The following GAS2 variants were observed in gnomAD, a reference collection of about 807,000 sequenced individuals.
The protein encoded by GAS2 is growth arrest-specific protein 2.
Under a neutral mutation model 37.5 loss-of-function variants are expected in GAS2, and 20 were observed. That is an observed-to-expected ratio of 0.53 (90% CI 0.37 to 0.77). The LOEUF is 0.77. GAS2 is among the 30% of genes least tolerant of loss of function. GAS2 has a pLI of 0.00. For missense variants in GAS2, 336 were observed against 373.4 expected, an observed-to-expected ratio of 0.90 and a Z score of 0.82; for synonymous variants, 144 against 132.2, an observed-to-expected ratio of 1.09 and a Z score of -0.61.
intron 3 of GAS2, among the ~76,000 whole-genome samples, chr11:22,706,057 G>A (rs1210997666): frequency 6.6e-6 from 1 of 152,188 alleles, no homozygotes. Flanking sequence ...CATAACTCAA[G>A]AGAATCAAGA....
At chr11:22,637,725 GTAA>G (rs1349061000) in intron 1 of GAS2, among the ~76,000 whole-genome samples, 17 of 137,664 alleles carry the variant, frequency 1.2e-4, no homozygotes, top group African/African-American at 1.9e-4. Flanking sequence ...TGTATTTATA[GTAA>G]TAATAATTAT....
chr11:22,697,685 T>C (rs1436494332), intron 3 of GAS2, among the ~76,000 whole-genome samples: 1 of 152,232 alleles, frequency 6.6e-6, no homozygotes, highest in Non-Finnish European at 1.5e-5. Context: ...GATTCCTAGG[T>C]ATTTTATTCT....
At chr11:22,680,014 TGAAA>T (rs1449718494) in intron 2 of GAS2, among the ~76,000 whole-genome samples, 1 of 152,108 alleles carries the variant, frequency 6.6e-6, no homozygotes, top group African/African-American at 2.4e-5. Flanking sequence ...TAGTTATTCT[TGAAA>T]AATAACATTT....
intron 3 of GAS2, among the ~76,000 whole-genome samples, chr11:22,724,659 T>C (rs1852109001): frequency 1.3e-5 from 2 of 152,100 alleles, no homozygotes; most frequent in African/African-American, 4.8e-5. Flanking sequence ...AGTAACCCTA[T>C]ATATGGTTTA....
At chr11:22,704,656 A>C (rs1851017734) in intron 3 of GAS2, among the ~76,000 whole-genome samples, 1 of 143,550 alleles carries the variant, frequency 7.0e-6, no homozygotes, top group East Asian at 2.1e-4. Context: ...ATTCTCCCAG[A>C]AAAGAACCCT....
At chr11:22,701,856 A>G (rs906934797) in intron 3 of GAS2, among the ~76,000 whole-genome samples, 3 of 152,146 alleles carry the variant, frequency 2.0e-5, no homozygotes, top group South Asian at 2.1e-4. Context: ...AAAGTTGGGG[A>G]AAAAAATTAG....
At chr11:22,633,290 C>A (rs906180794) in intron 1 of GAS2, among the ~76,000 whole-genome samples, 1 of 151,992 alleles carries the variant, frequency 6.6e-6, no homozygotes, top group Non-Finnish European at 1.5e-5. Context: ...TTTATTTTAG[C>A]CTATTTCAGC....
intron 7 of GAS2, among the ~76,000 whole-genome samples, chr11:22,778,790 A>G (rs778280017): frequency 7.2e-5 from 11 of 152,324 alleles, no homozygotes; most frequent in Non-Finnish European, 1.3e-4. Flanking sequence ...TCCAAGTGCC[A>G]TGAAGAATGT....
At chr11:22,734,010 A>T (rs1366573240) in intron 4 of GAS2, among the ~76,000 whole-genome samples, 1 of 151,796 alleles carries the variant, frequency 6.6e-6, no homozygotes, top group African/African-American at 2.4e-5. Context: ...TTTGAAAAAG[A>T]TAAATGATGA....
intron 1 of GAS2, among the ~76,000 whole-genome samples, chr11:22,627,883 T>C (rs1175441595): frequency 6.6e-6 from 1 of 152,120 alleles, no homozygotes; most frequent in Non-Finnish European, 1.5e-5. Context: ...CAGGAATCCT[T>C]AATTTTTTTT....
chr11:22,712,217 C>A (rs1029668228), intron 3 of GAS2, among the ~76,000 whole-genome samples: 3 of 152,238 alleles, frequency 2.0e-5, no homozygotes, highest in African/African-American at 7.2e-5. Context: ...CACATGACAA[C>A]TTCACTGCTA....
chr11:22,755,178 G>C (rs1853958006), intron 6 of GAS2, among the ~76,000 whole-genome samples: 1 of 151,854 alleles, frequency 6.6e-6, no homozygotes, highest in Non-Finnish European at 1.5e-5. Context: ...GATATAACAG[G>C]GATAAAAATC....
At chr11:22,755,407 GA>G (rs1342465323) in intron 6 of GAS2, among the ~76,000 whole-genome samples, 1 of 151,972 alleles carries the variant, frequency 6.6e-6, no homozygotes, top group Non-Finnish European at 1.5e-5. Context: ...CATTTATTTT[GA>G]AACTGGGTAA....
intron 7 of GAS2, among the ~76,000 whole-genome samples, chr11:22,783,104 A>T (rs192310235): frequency 3.3e-5 from 5 of 152,112 alleles, no homozygotes; most frequent in African/African-American, 1.2e-4. Context: ...AGGCTTGCCA[A>T]CGTCCTTTTC....
chr11:22,759,336 A>T (rs1854241717), intron 7 of GAS2, among the ~76,000 whole-genome samples: 1 of 152,210 alleles, frequency 6.6e-6, no homozygotes, highest in Non-Finnish European at 1.5e-5. Context: ...ACTTTTGTAG[A>T]CAGGCTTGTT....
chr11:22,683,537 A>C (rs1849797720), intron 2 of GAS2, among the ~76,000 whole-genome samples: 2 of 152,160 alleles, frequency 1.3e-5, no homozygotes, highest in Admixed American at 6.5e-5. Flanking sequence ...AAGTGCTGGG[A>C]TTACAGTGAG....
chr11:22,715,738 G>A (rs560343218), intron 3 of GAS2, among the ~76,000 whole-genome samples: 1 of 151,958 alleles, frequency 6.6e-6, no homozygotes, highest in South Asian at 2.1e-4. Context: ...TTCAGGACCA[G>A]GAAGATTTGT....
chr11:22,691,717 C>T (rs1344603528), intron 3 of GAS2, among the ~76,000 whole-genome samples: 1 of 152,028 alleles, frequency 6.6e-6, no homozygotes, highest in Non-Finnish European at 1.5e-5. Flanking sequence ...ATGTTGCTGC[C>T]TGAGACTAAA....
intron 6 of GAS2, among the ~76,000 whole-genome samples, chr11:22,754,524 G>T (rs1231590321): frequency 1.3e-5 from 2 of 151,886 alleles, no homozygotes; most frequent in African/African-American, 4.8e-5. Flanking sequence ...AAATAGTGTT[G>T]GTTCTCTTTG....
Sources: gnomAD v4.1 joint callset for allele counts (sites outside exome capture counted in the v4.1 genomes callset) on GRCh38, gnomAD v4.1.1 for gene constraint, MANE v1.5 for transcripts, NCBI Gene and HGNC (gene_info 2026-07-23, HGNC 2026-07-21) for gene names.